AQP11: variants seen among roughly 807,000 people sequenced by gnomAD.
The protein encoded by AQP11 is aquaporin 11.
A neutral mutation model predicts 21.1 loss-of-function variants in AQP11; 20 were observed. The observed-to-expected ratio is 0.95, with a 90% confidence interval of 0.67 to 1.38. AQP11 has a LOEUF of 1.38. Among genes scored for constraint, AQP11 ranks in the 40% most tolerant of loss-of-function variants. The pLI, the probability that AQP11 is intolerant of heterozygous loss-of-function variation, is 0.00. For synonymous variants in AQP11, 167 were observed against 150.1 expected (o/e 1.11, Z -0.82); for missense variants, 339 against 340.4 (o/e 1.00, Z 0.03).
chr11:77,600,622 A>G (rs1958809943), intron 1 of AQP11, among the ~76,000 whole-genome samples: 1 of 152,220 alleles, frequency 6.6e-6, no homozygotes, highest in South Asian at 2.1e-4. Context: ...CATTATTTCA[A>G]AACACTGCAT....
At chr11:77,601,344 CTTT>C (rs36104720) in intron 1 of AQP11, among the ~76,000 whole-genome samples, 14,977 of 128,446 alleles carry the variant, frequency 0.12, 549 homozygotes, top group Admixed American at 0.17. Context: ...CCATTCAAAA[CTTT>C]TTTTTTTTTT....
At position 77,609,369 on chromosome 11, in the gene AQP11, A is replaced by G. The variant is rs1180391516; in HGVS notation, c.808A>G (p.Lys270Glu). 1 of 1,611,872 alleles carries G rather than the reference A, an allele frequency of 6.2e-7. No homozygotes were observed. The highest frequency in any genetic ancestry group is 2.2e-5 in the East Asian group (1 of 44,816). ...WLHNNHTINK[K>E]E ...GCATAACAACCATACAATTAATAAA[A>G]AGGAATAACTGTTCCAAAGACTCAG... Residue 270 changes from lysine (K) to glutamate (E), a missense_variant, in exon 3 of 3, where the codon AAG becomes GAG. Physicochemically the swap from Lys to Glu is moderately conservative, Grantham distance 56. Transcript: ENST00000313578.
At chr11:77,601,611 A>G (rs529048688) in intron 1 of AQP11, among the ~76,000 whole-genome samples, 3 of 152,246 alleles carry the variant, frequency 2.0e-5, no homozygotes, top group Admixed American at 6.5e-5. Context: ...CAGCCTTCCA[A>G]GGTGTTAGGA....
intron 1 of AQP11, among the ~76,000 whole-genome samples, chr11:77,594,332 C>T (rs1565116811): frequency 6.6e-6 from 1 of 152,114 alleles, no homozygotes; most frequent in Non-Finnish European, 1.5e-5. Context: ...TTCATAGAGC[C>T]TTTACTATGC....
At position 77,590,466 on chromosome 11, in the gene AQP11, C is replaced by T. The variant is rs1958740367; in HGVS notation, c.474C>T (p.Pro158=). 6.2e-7 allele frequency: 1 copy of T among 1,614,050 alleles called. No individual in the cohort carries two copies. Among genetic ancestry groups the T allele is most frequent in the South Asian group, 1.1e-5 (1 of 91,086 alleles). Residue 158 remains proline, a synonymous_variant, in exon 1 of 3, where the codon CCC becomes CCT. Transcript: ENST00000313578. The part of the protein sequence containing the change: ...VSERSFACKN[P]IRVDLLKAVI... ...AGAGGAGCTTCGCTTGCAAGAATCC[C>T]ATCCGAGTCGACTTGCTCAAAGCGG...
chr11:77,604,611 C>T (rs1218707376), intron 2 of AQP11, among the ~76,000 whole-genome samples: 1 of 152,128 alleles, frequency 6.6e-6, no homozygotes, highest in African/African-American at 2.4e-5. Flanking sequence ...CTTTAAAACA[C>T]ACACACACAT....
chr11:77,592,781 G>A (rs1365036731), intron 1 of AQP11, among the ~76,000 whole-genome samples: 1 of 152,152 alleles, frequency 6.6e-6, no homozygotes, highest in East Asian at 1.9e-4. Context: ...TGAAATGAGG[G>A]TACTAATTGA....
At position 77,593,504 on chromosome 11, in the gene AQP11, G is replaced by A. The variant is rs186417572; in HGVS notation, c.619+2893G>A. Among the ~76,000 whole-genome samples, 538 of 152,302 alleles carry A rather than the reference G, an allele frequency of 3.5e-3. 3 individuals are homozygous for A. In the Middle Eastern group the frequency reaches 0.037, roughly 11 times the overall value. On this transcript the variant is annotated intron_variant, in intron 1 of 2. Transcript: ENST00000313578. ...ACAAAAAAATTAGCCAGGCATGGTG[G>A]CGGGTGCCTGTAGTCCCAGCTACTG...
intron 1 of AQP11, chr11:77,591,196 C>T: frequency 2.1e-6 from 2 of 942,704 alleles, no homozygotes; most frequent in Non-Finnish European, 2.5e-6. Context: ...TTTTAAGTGA[C>T]CTATTAAGAA....
intron 1 of AQP11, among the ~76,000 whole-genome samples, chr11:77,593,706 AAAGT>A (rs940067189): frequency 8.5e-5 from 13 of 152,216 alleles, no homozygotes; most frequent in Non-Finnish European, 1.5e-4. Flanking sequence ...CATTTTAAGT[AAAGT>A]AAGTGAGGCC....
At chr11:77,596,612 G>T in intron 1 of AQP11, among the ~76,000 whole-genome samples, 1 of 140,656 alleles carries the variant, frequency 7.1e-6, no homozygotes, top group Non-Finnish European at 1.5e-5. Context: ...TGTAATCCCA[G>T]GACCGGGACG....
chr11:77,606,059 AAAAAG>A (rs1958844321), intron 2 of AQP11, among the ~76,000 whole-genome samples: 2 of 145,572 alleles, frequency 1.4e-5, no homozygotes, highest in Non-Finnish European at 3.0e-5. Context: ...AAAAAAAAAA[AAAAAG>A]CACAGTGGCA....
chr11:77,594,079 T>G (rs1327850701), intron 1 of AQP11, among the ~76,000 whole-genome samples: 1 of 152,168 alleles, frequency 6.6e-6, no homozygotes, highest in Non-Finnish European at 1.5e-5. Context: ...AATGGGGACT[T>G]ATTGTTTAAT....
At chr11:77,605,434 C>T (rs1308760882) in intron 2 of AQP11, among the ~76,000 whole-genome samples, 1 of 152,130 alleles carries the variant, frequency 6.6e-6, no homozygotes, top group Non-Finnish European at 1.5e-5. Context: ...CCAGTATAGT[C>T]CGTGGCCTGT....
At chr11:77,600,958 G>A (rs1187272061) in intron 1 of AQP11, among the ~76,000 whole-genome samples, 1 of 151,122 alleles carries the variant, frequency 6.6e-6, no homozygotes, top group African/African-American at 2.4e-5. Context: ...CTTGCAGTGA[G>A]CCGAGATCAT....
Position 77,590,229 on chromosome 11 carries a change from G to C in AQP11, c.237G>C (p.Leu79=). The C allele has an allele frequency of 6.3e-7, 1 of 1,594,900 alleles. No individual in the cohort carries two copies. The highest frequency in any genetic ancestry group is 1.1e-5 in the South Asian group (1 of 87,804). The change falls in exon 1 of 3, where the codon CTG becomes CTC. Residue 79 remains leucine (L), a synonymous_variant. Coordinates refer to ENST00000313578, the MANE Select transcript of AQP11 (RefSeq NM_173039.3). ...EQHPAHPTWT[L]TLVYFFSLVH... is the part of the protein sequence containing the mutation. ...ACCCCGCGCACCCCACCTGGACGCT[G>C]ACGCTCGTCTACTTCTTCTCGCTTG...
intron 1 of AQP11, among the ~76,000 whole-genome samples, chr11:77,601,647 G>A (rs979501661): frequency 6.6e-6 from 1 of 152,142 alleles, no homozygotes; most frequent in Non-Finnish European, 1.5e-5. Flanking sequence ...ACCATGCCTG[G>A]CCCCAAAACT....
chr11:77,607,711 C>T (rs562610110), intron 2 of AQP11, among the ~76,000 whole-genome samples: 14 of 149,516 alleles, frequency 9.4e-5, no homozygotes, highest in East Asian at 5.9e-4. Flanking sequence ...TGCAGTGAGC[C>T]GAGATCGTAC....
At chr11:77,595,305 C>T (rs1205881895) in intron 1 of AQP11, among the ~76,000 whole-genome samples, 1 of 152,064 alleles carries the variant, frequency 6.6e-6, no homozygotes, top group Non-Finnish European at 1.5e-5. Context: ...CGTGCCATTG[C>T]ACTCCAGCCT....
Sources: allele counts gnomAD v4.1 joint callset (sites outside exome capture counted in the v4.1 genomes callset), GRCh38; gene constraint gnomAD v4.1.1; transcripts MANE v1.5; gene names NCBI Gene and HGNC (gene_info 2026-07-23, HGNC 2026-07-21).